PACSIN2: variants seen among roughly 807,000 people sequenced by gnomAD.
The protein encoded by PACSIN2 is protein kinase C and casein kinase substrate in neurons 2, also known as protein kinase C and casein kinase substrate in neurons protein 2.
Under a neutral mutation model 63.8 loss-of-function variants are expected in PACSIN2, and 25 were observed. The observed-to-expected ratio is 0.39, with a 90% CI of 0.29 to 0.55. The LOEUF is 0.55. PACSIN2 is among the 20% of genes least tolerant of loss of function. PACSIN2 has a pLI of 0.62. For missense variants in PACSIN2, 518 were observed against 646.9 expected (o/e 0.80, Z 2.16); for synonymous variants, 255 against 256.2 (o/e 1.00, Z 0.05).
intron 1 of PACSIN2, among the ~76,000 whole-genome samples, chr22:43,009,891 CAG>C (rs1924354075): frequency 8.4e-6 from 1 of 118,394 alleles, no homozygotes; most frequent in Non-Finnish European, 1.6e-5. Flanking sequence ...TTTTTTGAGA[CAG>C]AGTCTTGCTC....
At chr22:42,964,150 GC>G (rs1920934491) in intron 1 of PACSIN2, among the ~76,000 whole-genome samples, 1 of 152,190 alleles carries the variant, frequency 6.6e-6, no homozygotes, top group South Asian at 2.1e-4. Flanking sequence ...GGGCACGGTG[GC>G]CCATGCCTGT....
intron 1 of PACSIN2, among the ~76,000 whole-genome samples, chr22:42,987,109 T>C (rs1922671879): frequency 6.6e-6 from 1 of 152,170 alleles, no homozygotes; most frequent in African/African-American, 2.4e-5. Flanking sequence ...GATGACTTGC[T>C]GGGGGGTGTG....
intron 1 of PACSIN2, among the ~76,000 whole-genome samples, chr22:42,997,550 C>T (rs150766894): frequency 0.015 from 2,034 of 134,206 alleles, 51 homozygotes; most frequent in African/African-American, 0.054. Context: ...AGCGAGACTC[C>T]GTCTCAAAAA....
At chr22:42,986,079 A>G (rs1922591285) in intron 1 of PACSIN2, among the ~76,000 whole-genome samples, 1 of 152,170 alleles carries the variant, frequency 6.6e-6, no homozygotes, top group Non-Finnish European at 1.5e-5. Flanking sequence ...AGTTTTAGCC[A>G]AGCACCCTCA....
At chr22:42,905,856 G>A (rs373318181) in intron 2 of PACSIN2, among the ~76,000 whole-genome samples, 6 of 152,210 alleles carry the variant, frequency 3.9e-5, no homozygotes, top group Non-Finnish European at 7.3e-5. Flanking sequence ...GCAGGAAGCC[G>A]CCTGTGGGAA....
intron 1 of PACSIN2, among the ~76,000 whole-genome samples, chr22:42,928,283 C>T (rs992676987): frequency 3.3e-5 from 5 of 152,168 alleles, no homozygotes; most frequent in East Asian, 1.9e-4. Flanking sequence ...TGTCTCTTCA[C>T]GTGCTGAATC....
chr22:42,874,853 T>TTTTC (rs112508356), intron 10 of PACSIN2, among the ~76,000 whole-genome samples: 6 of 48,120 alleles, frequency 1.2e-4, no homozygotes, highest in African/African-American at 4.6e-4. Flanking sequence ...GGGCATCCGC[T>TTTTC]TTTTTTTTTT....
chr22:42,966,566 G>A (rs1920959447), intron 1 of PACSIN2, among the ~76,000 whole-genome samples: 1 of 152,194 alleles, frequency 6.6e-6, no homozygotes, highest in African/African-American at 2.4e-5. Flanking sequence ...CTTGTCCAAA[G>A]ATTTTTTTAA....
intron 1 of PACSIN2, among the ~76,000 whole-genome samples, chr22:43,004,103 G>C (rs1397699407): frequency 2.0e-5 from 3 of 152,198 alleles, no homozygotes; most frequent in Non-Finnish European, 4.4e-5. Context: ...ATCTGAGAGT[G>C]ATTCACAACT....
At chr22:42,906,145 C>T (rs1931058315) in intron 2 of PACSIN2, among the ~76,000 whole-genome samples, 1 of 152,228 alleles carries the variant, frequency 6.6e-6, no homozygotes, top group African/African-American at 2.4e-5. Flanking sequence ...CCTGTGAGCT[C>T]CAAGAGGACA....
intron 1 of PACSIN2, among the ~76,000 whole-genome samples, chr22:42,972,071 GA>G (rs1235324049): frequency 3.3e-5 from 5 of 152,194 alleles, no homozygotes; most frequent in African/African-American, 9.7e-5. Flanking sequence ...ATGGGGGGGG[GA>G]AATGTGGGGA....
intron 1 of PACSIN2, among the ~76,000 whole-genome samples, chr22:42,944,443 G>A (rs1933316864): frequency 6.6e-6 from 1 of 152,130 alleles, no homozygotes; most frequent in South Asian, 2.1e-4. Context: ...GGGGCTACAG[G>A]AAAACAGAAA....
intron 5 of PACSIN2, among the ~76,000 whole-genome samples, chr22:42,885,714 G>T (rs1430263578): frequency 2.0e-5 from 3 of 152,118 alleles, no homozygotes; most frequent in Non-Finnish European, 2.9e-5. Flanking sequence ...GTGAGACCAG[G>T]TTCCACCCCG....
intron 3 of PACSIN2, 34 bp from the exon 4 acceptor site, chr22:42,891,216 C>T (rs1929890427): frequency 3.4e-6 from 5 of 1,488,298 alleles, no homozygotes; most frequent in African/African-American, 2.8e-5. Context: ...GGTCACTCAG[C>T]GCCGGCCATG....
chr22:42,889,037 G>A (rs1341609198), intron 4 of PACSIN2, among the ~76,000 whole-genome samples: 4 of 152,236 alleles, frequency 2.6e-5, no homozygotes. Context: ...AGAAACACAA[G>A]GTCTTTGTGA....
chr22:42,888,865 C>A, intron 4 of PACSIN2, 67 bp from the exon 5 acceptor site: 1 of 1,523,042 alleles, frequency 6.6e-7, no homozygotes, highest in African/African-American at 1.4e-5. Context: ...AGAAGTCACA[C>A]AGACCATGGG....
At chr22:42,922,083 T>G (rs977475491) in intron 1 of PACSIN2, among the ~76,000 whole-genome samples, 3 of 152,238 alleles carry the variant, frequency 2.0e-5, no homozygotes, top group Non-Finnish European at 4.4e-5. Flanking sequence ...CGGGAATGAC[T>G]GAGGTATTGA....
At chr22:42,965,708 A>C (rs1920947722) in intron 1 of PACSIN2, among the ~76,000 whole-genome samples, 1 of 152,136 alleles carries the variant, frequency 6.6e-6, no homozygotes. Context: ...CCACTTTCTA[A>C]CCAGGCTAGC....
chr22:42,994,337 C>G (rs1923254542), intron 1 of PACSIN2, among the ~76,000 whole-genome samples: 1 of 152,200 alleles, frequency 6.6e-6, no homozygotes, highest in Non-Finnish European at 1.5e-5. Flanking sequence ...GGGACAACCC[C>G]AAACACACCC....
Sources: allele counts gnomAD v4.1 joint callset (sites outside exome capture counted in the v4.1 genomes callset), GRCh38; gene constraint gnomAD v4.1.1; transcripts MANE v1.5; gene names NCBI Gene and HGNC (gene_info 2026-07-23, HGNC 2026-07-21).